The following ADPRM variants were observed in gnomAD, a reference collection of about 807,000 sequenced individuals.
ADPRM encodes the protein ADP-ribose/CDP-alcohol diphosphatase, manganese dependent.
Under a neutral mutation model 27.2 loss-of-function variants are expected in ADPRM, and 17 were observed. The ratio of observed to expected loss-of-function variants is 0.63; its 90% confidence interval spans 0.43 to 0.94. The LOEUF is 0.94. ADPRM is among the 40% of genes least tolerant of loss of function. The probability of loss-of-function intolerance (pLI) is 0.00; values close to 1 mark genes in which losing one functional copy is unlikely to be tolerated. For synonymous variants in ADPRM, 135 were observed against 145.3 expected, an observed-to-expected ratio of 0.93 and a Z score of 0.51; for missense variants, 337 against 412.8, an observed-to-expected ratio of 0.82 and a Z score of 1.59.
chr17:10,710,642 C>T (rs544590624), intron 3 of ADPRM, among the ~76,000 whole-genome samples, 192 bp from the exon 4 acceptor site: 7 of 152,302 alleles, frequency 4.6e-5, no homozygotes, highest in Non-Finnish European at 8.8e-5. Context: ...TCTTACCCTT[C>T]TTCTATGCTC....
intron 3 of ADPRM, among the ~76,000 whole-genome samples, chr17:10,709,444 C>A (rs979650188): frequency 6.6e-6 from 1 of 152,130 alleles, no homozygotes; most frequent in African/African-American, 2.4e-5. Context: ...GAGGACCAAG[C>A]ATTCAGGCAC....
chr17:10,697,666 C>A lies in ADPRM; in HGVS notation c.-19C>A. Reference sequence around the variant, plus strand: ...GCCTTTCAGCCCAGGGGCCGGCGCACGGTAGGTAGTTCCCTGCGGCTGGAG... The same window carrying A: ...GCCTTTCAGCCCAGGGGCCGGCGCAAGGTAGGTAGTTCCCTGCGGCTGGAG... On this transcript the variant is annotated splice_region_variant and 5_prime_UTR_variant, in exon 1 of 4. Coordinates refer to ENST00000379774, the MANE Select transcript of ADPRM (RefSeq NM_020233.5). 2.2e-6 allele frequency: 2 copies of A among 903,306 alleles called. No individual in the cohort carries two copies. The highest frequency in any genetic ancestry group is 2.9e-5 in the South Asian group (2 of 69,420). 56.0% of individuals were successfully genotyped at this position (903,306 alleles called of 1,614,324 possible).
Position 10,697,661 on chromosome 17 carries a change from G to A in ADPRM, c.-24G>A, listed in dbSNP as rs2074742765. The A allele has an allele frequency of 3.2e-6, 3 of 939,860 alleles. No homozygotes were observed. The highest frequency in any genetic ancestry group is 2.0e-5 in the Admixed American group (1 of 49,610). The allele number at this position is 939,860 out of a possible 1,614,324, so 58.2% of individuals were successfully genotyped here. ...CAGAGGCCTTTCAGCCCAGGGGCCGGCGCACGGTAGGTAGTTCCCTGCGGC... is the reference window on the plus strand; with the variant it reads ...CAGAGGCCTTTCAGCCCAGGGGCCGACGCACGGTAGGTAGTTCCCTGCGGC... On this transcript the variant is annotated 5_prime_UTR_variant, in exon 1 of 4. Transcript: ENST00000379774.
rs1031111382 is a variant in ADPRM at position 10,697,650 on chromosome 17, C to T, written c.-35C>T. On this transcript the variant is annotated 5_prime_UTR_variant, in exon 1 of 4. Transcript: ENST00000379774. ...TAGCCCGTAGTCAGAGGCCTTTCAG[C>T]CCAGGGGCCGGCGCACGGTAGGTAG... The T allele has an allele frequency of 2.8e-6, 3 of 1,055,324 alleles. No homozygotes were observed. Among genetic ancestry groups the T allele is most frequent in the Non-Finnish European group, 4.3e-6 (3 of 705,814 alleles). 65.4% of individuals were successfully genotyped at this position (1,055,324 alleles called of 1,614,324 possible).
chr17:10,701,160 T>C (rs895383605), intron 1 of ADPRM, among the ~76,000 whole-genome samples: 2 of 152,140 alleles, frequency 1.3e-5, no homozygotes, highest in African/African-American at 2.4e-5. Flanking sequence ...CTTTAAAACT[T>C]AGACAGCGTA....
Position 10,705,659 on chromosome 17 carries a change from A to T in ADPRM, c.601+132A>T. ...TTGTTCAGGGTCAGGATTTCTCACA[A>T]GCCTTCTCACATGGATTGGTTACAG... On this transcript the variant is annotated intron_variant, in intron 2 of 3. Transcript: ENST00000379774. The surrounding 1 kb of genome is among the most constrained non-coding windows in gnomAD (Gnocchi z 5.4). The T allele has an allele frequency of 7.4e-7, 1 of 1,355,766 alleles. No homozygotes were observed. The highest frequency in any genetic ancestry group is 9.8e-7 in the Non-Finnish European group (1 of 1,020,632). 84.0% of individuals were successfully genotyped at this position (1,355,766 alleles called of 1,614,324 possible). A position where few individuals can be genotyped will look rare whatever the true frequency, so the allele number is the denominator to read the frequency against.
At chr17:10,700,719 G>A (rs775396046) in intron 1 of ADPRM, among the ~76,000 whole-genome samples, 19 of 148,814 alleles carry the variant, frequency 1.3e-4, no homozygotes, top group African/African-American at 1.7e-4. Flanking sequence ...AGCCATGATC[G>A]CACCACTGCA....
Position 10,705,246 on chromosome 17 carries a change from C to G in ADPRM, c.320C>G (p.Thr107Arg). Residue 107 changes from threonine (T) to arginine (R), a missense_variant, in exon 2 of 4, where the codon ACA becomes AGA. By Grantham distance (71) the Thr-to-Arg change is moderately conservative. Coordinates refer to ENST00000379774, the MANE Select transcript of ADPRM (RefSeq NM_020233.5). This position sits in a 1 kb window ranked among gnomAD's most constrained non-coding sequence, Gnocchi z 5.4. ...AGGCTTAAAGTTCCAGTTCATCATA[C>G]ATGGGGAAACCATGAATTCTATAAC... ...FKRLKVPVHHTWGNHEFYNFS... is the reference protein window; with the variant it reads ...FKRLKVPVHHRWGNHEFYNFS... 6.2e-7 allele frequency: 1 copy of G among 1,614,070 alleles called. No homozygotes were observed. The highest frequency in any genetic ancestry group is 8.5e-7 in the Non-Finnish European group (1 of 1,180,006).
At position 10,711,189 on chromosome 17, in the gene ADPRM, C is replaced by A. The variant is rs749023265; in HGVS notation, c.*45C>A. 1.6e-5 allele frequency: 23 copies of A among 1,453,548 alleles called. No individual in the cohort carries two copies. Among genetic ancestry groups the A allele is most frequent in the Middle Eastern group, 1.9e-4 (1 of 5,346 alleles). 90.0% of individuals were successfully genotyped at this position (1,453,548 alleles called of 1,614,324 possible). A position where few individuals can be genotyped will look rare whatever the true frequency, so the allele number is the denominator to read the frequency against. On this transcript the variant is annotated 3_prime_UTR_variant, in exon 4 of 4. Transcript: ENST00000379774. ...ATAGAAAATGAGCTTTGTGTTTGTC[C>A]CTCCTAAACAAAAAAATAAAAATCC...
At chr17:10,700,983 T>C (rs1191268326) in intron 1 of ADPRM, among the ~76,000 whole-genome samples, 1 of 152,186 alleles carries the variant, frequency 6.6e-6, no homozygotes, top group Admixed American at 6.5e-5. Context: ...TTAACATGCG[T>C]ATAGTACTTT....
intron 1 of ADPRM, among the ~76,000 whole-genome samples, chr17:10,703,480 CAT>C (rs1467917844): frequency 1.5e-4 from 23 of 152,152 alleles, no homozygotes; most frequent in Non-Finnish European, 2.6e-4. Flanking sequence ...AGCTGAAACT[CAT>C]AATTAGGTGG....
intron 3 of ADPRM, 68 bp downstream of exon 3, chr17:10,706,622 A>G (rs2074814345): frequency 8.8e-7 from 1 of 1,141,692 alleles, no homozygotes; most frequent in Admixed American, 2.8e-5. Flanking sequence ...GTTAAAGCAT[A>G]CTAACAATAT....
At position 10,705,436 on chromosome 17, in the gene ADPRM, C is replaced by T. The variant is rs373360710; in HGVS notation, c.510C>T (p.Val170=). 87 of 1,613,904 alleles carry T rather than the reference C, an allele frequency of 5.4e-5. No individual in the cohort carries two copies. In the African/African-American group the frequency reaches 1.1e-3, roughly 20 times the overall value. ...TACTTGATGCATATGACTTGAGTGT[C>T]TTGGGCGTGGATCAGTCTTCTCCAA... is the stretch of plus-strand genomic sequence containing the variant. ...FILLDAYDLS[V]LGVDQSSPKY... is the part of the protein sequence containing the mutation. Residue 170 remains valine (V), a synonymous_variant, in exon 2 of 4, where the codon GTC becomes GTT. Transcript: ENST00000379774. This position sits in a 1 kb window ranked among gnomAD's most constrained non-coding sequence, Gnocchi z 5.4.
chr17:10,708,450 A>AAAAAAAAAAAC lies in ADPRM; in HGVS notation c.718+1896_718+1897insAAAAAAAAAAC, dbSNP rs57337863. ...GTCTCAAAAAAAAAAAAAAAAAAAA[A>AAAAAAAAAAAC]CCTTTGAAAATGATAGGCTATTCAG... On this transcript the variant is annotated intron_variant, in intron 3 of 3. Coordinates refer to ENST00000379774, the MANE Select transcript of ADPRM (RefSeq NM_020233.5). 4.2e-4 allele frequency among the ~76,000 whole-genome samples: 50 copies of AAAAAAAAAAAC among 118,956 alleles called. 4 individuals carry two copies. Among genetic ancestry groups the AAAAAAAAAAAC allele is most frequent in the African/African-American group, 9.4e-4 (27 of 28,664 alleles). The allele number at this position is 118,956 out of a possible 152,430, so 78.0% of individuals were successfully genotyped here.
At position 10,701,956 on chromosome 17, in the gene ADPRM, G is replaced by A. The variant is rs192741075; in HGVS notation, c.-17-2954G>A. 5.0e-3 allele frequency among the ~76,000 whole-genome samples: 767 copies of A among 152,156 alleles called. 1 individual carries two copies. The highest frequency in any genetic ancestry group is 8.4e-3 in the Non-Finnish European group (568 of 68,000). ...ACCACCTGGTTCTTTTTGCACTGCCGTACTCACTTCTGATCCTATCTTTCC... is the reference window on the plus strand; with the variant it reads ...ACCACCTGGTTCTTTTTGCACTGCCATACTCACTTCTGATCCTATCTTTCC... On this transcript the variant is annotated intron_variant, in intron 1 of 3. Coordinates refer to ENST00000379774, the MANE Select transcript of ADPRM (RefSeq NM_020233.5).
In ADPRM at chr17:10,705,819, C is replaced by T; in HGVS notation, c.601+292C>T. The T allele has an allele frequency of 2.4e-6, 1 of 411,572 alleles. No homozygotes were observed. Among genetic ancestry groups the T allele is most frequent in the Non-Finnish European group, 4.5e-6 (1 of 224,230 alleles). The allele number at this position is 411,572 out of a possible 1,614,324, so 25.5% of individuals were successfully genotyped here. A position where few individuals can be genotyped will look rare whatever the true frequency, so the allele number is the denominator to read the frequency against. ...TGATGGATGGAATGGAGGGAACAAA[C>T]ACAGTACGTGGGCAAGACAGATGAT... On this transcript the variant is annotated intron_variant, in intron 2 of 3. Transcript: ENST00000379774. This position sits in a 1 kb window ranked among gnomAD's most constrained non-coding sequence, Gnocchi z 5.4.
At chr17:10,704,216 C>G (rs573875434) in intron 1 of ADPRM, among the ~76,000 whole-genome samples, 5 of 151,752 alleles carry the variant, frequency 3.3e-5, no homozygotes, top group African/African-American at 1.2e-4. Context: ...AAATTTTAAT[C>G]CCAGCTATTG....
intron 3 of ADPRM, 55 bp from the exon 4 acceptor site, chr17:10,710,779 T>A: frequency 1.3e-6 from 2 of 1,510,484 alleles, no homozygotes; most frequent in Non-Finnish European, 1.8e-6. Flanking sequence ...CATTTATTTT[T>A]ATAGAAGAGA....
At position 10,710,545 on chromosome 17, in the gene ADPRM, T is replaced by C. The variant is rs964917153; in HGVS notation, c.719-289T>C. ...CTGCATAGGACACCCTTGATCTTCC[T>C]CGGTGTTTCGGCAACTTGAGATGAC... On this transcript the variant is annotated intron_variant, in intron 3 of 3. Coordinates refer to ENST00000379774, the MANE Select transcript of ADPRM (RefSeq NM_020233.5). Among the ~76,000 whole-genome samples the C allele has an allele frequency of 3.3e-5, 5 of 152,218 alleles. No homozygotes were observed. In the South Asian group the frequency reaches 8.3e-4, roughly 25 times the overall value.
Sources: allele counts gnomAD v4.1 joint callset (sites outside exome capture counted in the v4.1 genomes callset), GRCh38; gene constraint gnomAD v4.1.1; non-coding constraint Gnocchi (gnomAD v3.1); transcripts MANE v1.5; gene names NCBI Gene and HGNC (gene_info 2026-07-23, HGNC 2026-07-21).